ANKS1B: variants seen among roughly 807,000 people sequenced by gnomAD.
The protein encoded by ANKS1B is ankyrin repeat and sterile alpha motif domain-containing protein 1B.
In ANKS1B, 36 loss-of-function variants were observed where a neutral mutation model predicts 148.3. The observed-to-expected ratio is 0.24, with a 90% CI of 0.19 to 0.32. ANKS1B has a LOEUF of 0.32. ANKS1B is among the 10% of genes least tolerant of loss of function. The pLI is 1.00. For missense variants in ANKS1B, 1,157 were observed against 1,542.6 expected (o/e 0.75, Z 4.19); for synonymous variants, 542 against 560.8 (o/e 0.97, Z 0.47).
At position 98,823,739 on chromosome 12, in the gene ANKS1B, G is replaced by A. The variant is rs966244597; in HGVS notation, c.3066+5435C>T. On this transcript the variant is annotated intron_variant, in intron 19 of 26. Transcript: ENST00000683438. ...ACTCCTGGCCTCAAGTGCTCCGCCCGCTTTGGCCTCCCAAAGTGCTGGGAT... is the reference window on the plus strand; with the variant it reads ...ACTCCTGGCCTCAAGTGCTCCGCCCACTTTGGCCTCCCAAAGTGCTGGGAT... Among the ~76,000 whole-genome samples, 7 of 152,250 alleles carry A rather than the reference G, an allele frequency of 4.6e-5. No individual in the cohort carries two copies. In the South Asian group the frequency reaches 1.2e-3, roughly 27 times the overall value.
At chr12:98,892,220 T>C (rs2099754191) in intron 17 of ANKS1B, among the ~76,000 whole-genome samples, 1 of 152,236 alleles carries the variant, frequency 6.6e-6, no homozygotes, top group African/African-American at 2.4e-5. Context: ...TGCCACAGCA[T>C]TTATTTCAAT....
At chr12:99,155,234 G>T in intron 14 of ANKS1B, 2 of 907,120 alleles carry the variant, frequency 2.2e-6, no homozygotes, top group Non-Finnish European at 3.1e-6. Context: ...TTTAAATGGA[G>T]CACAGATAAA....
intron 1 of ANKS1B, among the ~76,000 whole-genome samples, chr12:99,925,924 A>T (rs1246742763): frequency 6.6e-6 from 1 of 152,092 alleles, no homozygotes; most frequent in Non-Finnish European, 1.5e-5. Flanking sequence ...TTCTCATCTA[A>T]CTCAATAGCT....
chr12:99,285,051 C>A (rs932856149), intron 12 of ANKS1B, among the ~76,000 whole-genome samples: 2 of 152,140 alleles, frequency 1.3e-5, no homozygotes, highest in African/African-American at 2.4e-5. Context: ...TAACCACAAT[C>A]AACAAAATTG....
intron 17 of ANKS1B, among the ~76,000 whole-genome samples, chr12:98,833,148 C>T (rs933198410): frequency 2.6e-5 from 4 of 152,090 alleles, no homozygotes; most frequent in Non-Finnish European, 5.9e-5. Flanking sequence ...GCCCCATTCC[C>T]GGTGCTTTAC....
At chr12:98,926,877 T>C (rs1407116168) in intron 17 of ANKS1B, among the ~76,000 whole-genome samples, 1 of 151,872 alleles carries the variant, frequency 6.6e-6, no homozygotes, top group Non-Finnish European at 1.5e-5. Flanking sequence ...ACCTGTGCAG[T>C]GCCATCAAAT....
At chr12:99,595,672 G>A (rs551165000) in intron 9 of ANKS1B, among the ~76,000 whole-genome samples, 2 of 151,948 alleles carry the variant, frequency 1.3e-5, no homozygotes, top group South Asian at 4.1e-4. Flanking sequence ...TCATATTAAA[G>A]AAAAGAAGAT....
chr12:99,932,961 A>G (rs1030591821), intron 1 of ANKS1B, among the ~76,000 whole-genome samples: 1 of 152,166 alleles, frequency 6.6e-6, no homozygotes, highest in African/African-American at 2.4e-5. Flanking sequence ...ATAGGGGTCC[A>G]GTTTCATTCT....
chr12:99,422,389 G>C (rs1466601352), intron 11 of ANKS1B, among the ~76,000 whole-genome samples: 1 of 152,178 alleles, frequency 6.6e-6, no homozygotes, highest in African/African-American at 2.4e-5. Context: ...AAAGAGGAAG[G>C]TGAAAAGTCC....
chr12:99,745,773 T>C (rs1439420279), intron 8 of ANKS1B, among the ~76,000 whole-genome samples: 1 of 152,076 alleles, frequency 6.6e-6, no homozygotes, highest in Non-Finnish European at 1.5e-5. Flanking sequence ...CATGTTTCAT[T>C]TGTCATATAA....
At chr12:99,514,533 C>T (rs1255819107) in intron 9 of ANKS1B, among the ~76,000 whole-genome samples, 1 of 152,008 alleles carries the variant, frequency 6.6e-6, no homozygotes, top group Non-Finnish European at 1.5e-5. Context: ...CACAACAATC[C>T]AGCCAATGCT....
intron 12 of ANKS1B, among the ~76,000 whole-genome samples, chr12:99,378,338 T>C (rs759535387): frequency 6.6e-6 from 1 of 152,110 alleles, no homozygotes; most frequent in Non-Finnish European, 1.5e-5. Flanking sequence ...TTCTTAAGAA[T>C]TGTGTTGCTG....
intron 12 of ANKS1B, among the ~76,000 whole-genome samples, chr12:99,392,675 G>A (rs987256975): frequency 6.6e-5 from 10 of 152,182 alleles, no homozygotes; most frequent in Admixed American, 1.3e-4. Flanking sequence ...TATCACTGGC[G>A]ATGCTCAGCT....
intron 10 of ANKS1B, among the ~76,000 whole-genome samples, chr12:99,466,552 A>G (rs551610186): frequency 6.6e-6 from 1 of 151,122 alleles, no homozygotes. Flanking sequence ...CAAGACTAAT[A>G]AAGAAGAAAA....
chr12:99,171,021 G>GA (rs1285035752), intron 14 of ANKS1B, among the ~76,000 whole-genome samples: 1 of 152,202 alleles, frequency 6.6e-6, no homozygotes, highest in Non-Finnish European at 1.5e-5. Flanking sequence ...ATTGGGGAAA[G>GA]AAACTGTGTA....
chr12:99,389,676 A>G (rs1020168459), intron 12 of ANKS1B, among the ~76,000 whole-genome samples: 18 of 152,224 alleles, frequency 1.2e-4, no homozygotes, highest in Non-Finnish European at 2.2e-4. Context: ...GAGAGAAGAT[A>G]TATACAGCAA....
chr12:99,963,623 A>G (rs946147091), intron 1 of ANKS1B, among the ~76,000 whole-genome samples: 4 of 152,208 alleles, frequency 2.6e-5, no homozygotes, highest in African/African-American at 9.6e-5. Context: ...TGGCTATAGC[A>G]AATGTTTACT....
intron 19 of ANKS1B, among the ~76,000 whole-genome samples, chr12:98,828,822 C>G (rs2099271640): frequency 6.6e-6 from 1 of 152,180 alleles, no homozygotes; most frequent in South Asian, 2.1e-4. Flanking sequence ...AACTTCTGCC[C>G]CATTATCCAA....
chr12:98,894,839 TGCGCCGA>T, intron 17 of ANKS1B: 1 of 981,556 alleles, frequency 1.0e-6, no homozygotes, highest in Admixed American at 6.3e-5. Context: ...CGCGCCGCGC[TGCGCCGA>T]GCGCCGGGCT....
Sources: gnomAD v4.1 joint callset for allele counts (sites outside exome capture counted in the v4.1 genomes callset) on GRCh38, gnomAD v4.1.1 for gene constraint, MANE v1.5 for transcripts, NCBI Gene and HGNC (gene_info 2026-07-23, HGNC 2026-07-21) for gene names.